KDM3A: variants seen among roughly 807,000 people sequenced by gnomAD.
The protein encoded by KDM3A is lysine-specific demethylase 3A.
In KDM3A, 60 loss-of-function variants were observed where a neutral mutation model predicts 158.0. The observed-to-expected ratio is 0.38, with a 90% CI of 0.31 to 0.47. KDM3A has a LOEUF of 0.47. Among genes scored for constraint, KDM3A ranks in the 20% least tolerant of loss-of-function variants. The pLI is 0.99. For missense variants in KDM3A, 1,319 were observed against 1,574.3 expected, an observed-to-expected ratio of 0.84 and a Z score of 2.74; for synonymous variants, 608 against 549.3, an observed-to-expected ratio of 1.11 and a Z score of -1.49.
At position 86,455,104 on chromosome 2, in the gene KDM3A, T is replaced by G. The variant is rs1367973060; in HGVS notation, c.473T>G (p.Leu158Arg). 6.3e-7 allele frequency: 1 copy of G among 1,595,594 alleles called. No individual in the cohort carries two copies. The highest frequency in any genetic ancestry group is 8.5e-7 in the Non-Finnish European group (1 of 1,171,570). The change falls in exon 5 of 26, where the codon CTT (leucine) becomes CGT (arginine). Residue 158 changes from leucine to arginine, a missense_variant. Leu to Arg is a moderately radical substitution (Grantham distance 102, BLOSUM62 -2). Coordinates refer to ENST00000312912, the MANE Select transcript of KDM3A (RefSeq NM_018433.6). The part of the protein sequence containing the change: ...KPIQDVNSLR[L>R]SLTDNQIVSK... ...TTTCAGGATGTAAACAGTCTTCGAC[T>G]TTCTCTTACGGATAATCAGATTGTC...
intron 8 of KDM3A, among the ~76,000 whole-genome samples, chr2:86,461,989 T>C (rs1025810878): frequency 6.6e-5 from 10 of 152,096 alleles, no homozygotes; most frequent in African/African-American, 2.4e-4. Context: ...TGATTTATGT[T>C]TTATAGAGAT....
intron 16 of KDM3A, among the ~76,000 whole-genome samples, chr2:86,481,644 C>T (rs141368403): frequency 8.5e-5 from 13 of 152,174 alleles, no homozygotes; most frequent in African/African-American, 3.1e-4. Context: ...TATTTGTAGA[C>T]AGTACATGCA....
chr2:86,454,769 CTGTT>C (rs1216359744), intron 4 of KDM3A, among the ~76,000 whole-genome samples: 3 of 152,166 alleles, frequency 2.0e-5, no homozygotes, highest in Non-Finnish European at 4.4e-5. Flanking sequence ...GATTGACCAG[CTGTT>C]TGTTTGCTTA....
chr2:86,445,026 A>G (rs1415094452), intron 2 of KDM3A, among the ~76,000 whole-genome samples: 1 of 152,252 alleles, frequency 6.6e-6, no homozygotes, highest in African/African-American at 2.4e-5. Context: ...CAAATATCCT[A>G]GATGGTAAAC....
At chr2:86,480,103 A>C in intron 15 of KDM3A, 64 bp from the exon 16 acceptor site, 1 of 1,282,762 alleles carries the variant, frequency 7.8e-7, no homozygotes. Flanking sequence ...TTAGGAGAGA[A>C]GAAAAGAAAA....
intron 8 of KDM3A, among the ~76,000 whole-genome samples, chr2:86,459,693 T>C (rs990005454): frequency 2.0e-5 from 3 of 152,164 alleles, no homozygotes; most frequent in African/African-American, 7.2e-5. Context: ...GAGGTACTTG[T>C]AAAATGTGGG....
At position 86,464,161 on chromosome 2, in the gene KDM3A, A is replaced by C. The variant is rs1426924036; in HGVS notation, c.952A>C (p.Ser318Arg). Residue 318 changes from serine (S) to arginine (R), a missense_variant, in exon 9 of 26, where the codon AGT (serine) becomes CGT (arginine). This residue lies in a region of KDM3A where 652 missense variants were observed against 627.2 expected (regional missense o/e 1.04). Transcript: ENST00000312912. ...ACCTAGTAAGGACCCAAGACAGCAA[A>C]GTACTCCCCAGGCTGCCAACTCTCC... ...TPPSKDPRQQSTPQAANSPPN... is the reference protein window; with the variant it reads ...TPPSKDPRQQRTPQAANSPPN... 1 of 1,612,214 alleles carries C rather than the reference A, an allele frequency of 6.2e-7. No homozygotes were observed. The highest frequency in any genetic ancestry group is 2.2e-5 in the East Asian group (1 of 44,810).
Position 86,482,637 on chromosome 2 carries a change from A to G in KDM3A, c.2865A>G (p.Gln955=), listed in dbSNP as rs1343453971. The change falls in exon 18 of 26, where the codon CAA becomes CAG. Residue 955 remains glutamine, a synonymous_variant. Coordinates refer to ENST00000312912, the MANE Select transcript of KDM3A (RefSeq NM_018433.6). ...WLCDNRLLCL[Q]DPNNKSNWNV... ...GTGATAATCGCTTGCTGTGCTTGCA[A>G]GACCCCAACAATAAGAGCAACTGGA... 1.2e-6 allele frequency: 2 copies of G among 1,614,116 alleles called. No homozygotes were observed.
intron 9 of KDM3A, 94 bp downstream of exon 9, chr2:86,464,310 T>G: frequency 1.0e-6 from 1 of 954,902 alleles, no homozygotes; most frequent in Non-Finnish European, 1.5e-6. Flanking sequence ...TCCAGGGAGG[T>G]TTTTCGTTAG....
At chr2:86,450,078 T>C (rs1484351677) in intron 3 of KDM3A, 116 bp downstream of exon 3, 6 of 1,107,684 alleles carry the variant, frequency 5.4e-6, no homozygotes, top group Non-Finnish European at 7.7e-6. Context: ...CAGGATCTCC[T>C]GCCAGCCCTT....
chr2:86,460,568 T>G (rs914273230), intron 8 of KDM3A, among the ~76,000 whole-genome samples: 1 of 152,198 alleles, frequency 6.6e-6, no homozygotes, highest in Non-Finnish European at 1.5e-5. Context: ...GCAAGACTCT[T>G]GACTGTCTTG....
At chr2:86,477,365 T>G (rs1321627290) in intron 12 of KDM3A, among the ~76,000 whole-genome samples, 1 of 152,226 alleles carries the variant, frequency 6.6e-6, no homozygotes, top group African/African-American at 2.4e-5. Flanking sequence ...CCTTGGAGTT[T>G]TTAATGGGCA....
At chr2:86,473,973 A>G (rs756347362) in intron 11 of KDM3A, among the ~76,000 whole-genome samples, 2 of 152,126 alleles carry the variant, frequency 1.3e-5, no homozygotes, top group African/African-American at 2.4e-5. Context: ...TACCTCACAG[A>G]CCAGTGTGGT....
At chr2:86,472,780 G>C (rs924191795) in intron 11 of KDM3A, among the ~76,000 whole-genome samples, 9 of 152,174 alleles carry the variant, frequency 5.9e-5, no homozygotes, top group African/African-American at 2.2e-4. Context: ...GCTTTCAGCA[G>C]TTGACCCCAA....
At chr2:86,466,295 C>A in intron 9 of KDM3A, 77 bp from the exon 10 acceptor site, 1 of 1,428,218 alleles carries the variant, frequency 7.0e-7, no homozygotes. Context: ...CTTAGGGAAC[C>A]AAACAGTTTG....
At chr2:86,449,704 G>A (rs1453639226) in intron 2 of KDM3A, 103 bp from the exon 3 acceptor site, 4 of 1,262,378 alleles carry the variant, frequency 3.2e-6, no homozygotes, top group Non-Finnish European at 4.4e-6. Flanking sequence ...CCAGATAAAG[G>A]ATTCAAATAG....
chr2:86,455,213 G>A lies in KDM3A; in HGVS notation c.556+26G>A, dbSNP rs535766302. 1.1e-5 allele frequency: 13 copies of A among 1,223,500 alleles called. No homozygotes were observed. The South Asian group carries it at 1.8e-4, about 16-fold the overall frequency. The allele number at this position is 1,223,500 out of a possible 1,614,324, so 75.8% of individuals were successfully genotyped here. ...GTATATGCATTATCTAGTGGTGATA[G>A]TTCACGAGTTGACCAATGATTAGCT... On this transcript the variant is annotated intron_variant, in intron 5 of 25. Transcript: ENST00000312912.
Position 86,480,272 on chromosome 2 carries a change from G to A in KDM3A, c.2422G>A (p.Gly808Ser), listed in dbSNP as rs778903884. 7.4e-5 allele frequency: 119 copies of A among 1,613,982 alleles called. No individual in the cohort carries two copies. Among genetic ancestry groups the A allele is most frequent in the Admixed American group, 2.2e-4 (13 of 60,026 alleles). Reference protein sequence around the residue: ...VGGEAASKPAGSMKPACPAST... With the variant: ...VGGEAASKPASSMKPACPAST... ...TGGGGAAGCAGCCTCCAAGCCAGCC[G>A]GCAGCATGAAGCCTGCCTGTCCAGC... Residue 808 changes from glycine (G) to serine (S), a missense_variant, in exon 16 of 26, where the codon GGC becomes AGC. Transcript: ENST00000312912.
intron 1 of KDM3A, among the ~76,000 whole-genome samples, chr2:86,441,726 T>C (rs1682717172): frequency 1.3e-5 from 2 of 150,984 alleles, no homozygotes; most frequent in Non-Finnish European, 3.0e-5. Flanking sequence ...CTGAGCACTT[T>C]CAAATCCACT....
Sources: allele counts gnomAD v4.1 joint callset (sites outside exome capture counted in the v4.1 genomes callset), GRCh38; gene constraint gnomAD v4.1.1; regional missense constraint gnomAD v4.1.1; transcripts MANE v1.5; gene names NCBI Gene and HGNC (gene_info 2026-07-23, HGNC 2026-07-21).